PPP4R3B: variants seen among roughly 807,000 people sequenced by gnomAD.
PPP4R3B encodes protein phosphatase 4 regulatory subunit 3B.
In PPP4R3B, 52 loss-of-function variants were observed where a neutral mutation model predicts 95.4. The observed-to-expected ratio is 0.54, with a 90% CI of 0.44 to 0.69. The LOEUF (loss-of-function observed/expected upper bound fraction) is 0.69. Among genes scored for constraint, PPP4R3B ranks in the 30% least tolerant of loss-of-function variants. The pLI, the probability that PPP4R3B is intolerant of heterozygous loss-of-function variation, is 0.00. For missense variants in PPP4R3B, 1,003 were observed against 1,005.9 expected (o/e 1.00, Z 0.04); for synonymous variants, 407 against 343.9 (o/e 1.18, Z -2.03).
intron 16 of PPP4R3B, among the ~76,000 whole-genome samples, chr2:55,554,028 G>T (rs1303215121): frequency 2.0e-5 from 3 of 152,074 alleles, no homozygotes; most frequent in Non-Finnish European, 4.4e-5. Flanking sequence ...CTGACTTTTT[G>T]GGGAACCGCC....
intron 16 of PPP4R3B, among the ~76,000 whole-genome samples, chr2:55,550,482 C>T (rs543939664): frequency 3.0e-4 from 45 of 152,256 alleles, no homozygotes; most frequent in African/African-American, 8.9e-4. Context: ...TGGAGATAAA[C>T]ACATGAAATG....
At chr2:55,559,117 G>A in intron 15 of PPP4R3B, 149 bp from the exon 16 acceptor site, 2 of 592,278 alleles carry the variant, frequency 3.4e-6, no homozygotes, top group Non-Finnish European at 5.7e-6. Flanking sequence ...GGAGGCTGAG[G>A]CAGGCAGATC....
In PPP4R3B at chr2:55,606,810, G is replaced by A. The variant is rs1203246646; in HGVS notation, c.199-2734C>T. The stretch of plus-strand genomic sequence containing the variant: ...GCACTCCAGCCTGGGGGACAAAAGT[G>A]AGACTTTGCCTCAAAAAAAAAAAAA... On this transcript the variant is annotated intron_variant, in intron 2 of 16. Coordinates refer to ENST00000616407, the MANE Select transcript of PPP4R3B (RefSeq NM_001122964.3). 4.5e-5 allele frequency among the ~76,000 whole-genome samples: 6 copies of A among 134,124 alleles called. No individual in the cohort carries two copies. In the East Asian group the frequency reaches 8.9e-4, roughly 20 times the overall value. The allele number at this position is 134,124 out of a possible 152,430, so 88.0% of individuals were successfully genotyped here. A position where few individuals can be genotyped will look rare whatever the true frequency, so the allele number is the denominator to read the frequency against.
intron 7 of PPP4R3B, among the ~76,000 whole-genome samples, chr2:55,584,461 C>T (rs576309200): frequency 3.9e-5 from 6 of 152,270 alleles, no homozygotes; most frequent in African/African-American, 1.4e-4. Context: ...GCAGTATACA[C>T]TGCACCCTAT....
In PPP4R3B at chr2:55,578,334, A is replaced by G; in HGVS notation, c.1477T>C (p.Leu493=). The G allele has an allele frequency of 7.1e-7, 1 of 1,408,044 alleles. No individual in the cohort carries two copies. The highest frequency in any genetic ancestry group is 9.3e-7 in the Non-Finnish European group (1 of 1,077,272). The allele number at this position is 1,408,044 out of a possible 1,614,324, so 87.2% of individuals were successfully genotyped here. A position where few individuals can be genotyped will look rare whatever the true frequency, so the allele number is the denominator to read the frequency against. ...SEDKCEKDFF[L]KHYRYSWSFI... ...CTCCAACTATATCTGTAATGTTTTA[A>G]AAAAAAATCTGAAAAAAAATATGGC... Residue 493 remains leucine (L), a synonymous_variant, in exon 10 of 17, where the codon TTA becomes CTA. Coordinates refer to ENST00000616407, the MANE Select transcript of PPP4R3B (RefSeq NM_001122964.3).
At chr2:55,550,708 G>A (rs915186567) in intron 16 of PPP4R3B, among the ~76,000 whole-genome samples, 1 of 152,040 alleles carries the variant, frequency 6.6e-6, no homozygotes, top group African/African-American at 2.4e-5. Flanking sequence ...AGGTTAAGAG[G>A]GCTACTGTAA....
Position 55,578,281 on chromosome 2 carries a change from A to C in PPP4R3B, c.1530T>G (p.His510Gln). 6.7e-7 allele frequency: 1 copy of C among 1,484,532 alleles called. No homozygotes were observed. The highest frequency in any genetic ancestry group is 9.0e-7 in the Non-Finnish European group (1 of 1,115,086). The allele number at this position is 1,484,532 out of a possible 1,614,324, so 92.0% of individuals were successfully genotyped here. A position where few individuals can be genotyped will look rare whatever the true frequency, so the allele number is the denominator to read the frequency against. The change falls in exon 10 of 17, where the codon CAT becomes CAG. Residue 510 changes from histidine to glutamine, a missense_variant. Physicochemically the swap from His to Gln is conservative, Grantham distance 24. Around this residue, in one of 3 missense-constraint regions of PPP4R3B, gnomAD observed 695 missense variants for 686.2 expected, o/e 1.01. Coordinates refer to ENST00000616407, the MANE Select transcript of PPP4R3B (RefSeq NM_001122964.3). ...WSFICTPSHS[H>Q]SHSTPSSSIS... ...TGGAGGAAGAGGGGGTAGAATGGGAATGGGAATGTGAAGGGGTACATATGA... is the reference window on the plus strand; with the variant it reads ...TGGAGGAAGAGGGGGTAGAATGGGACTGGGAATGTGAAGGGGTACATATGA...
intron 15 of PPP4R3B, among the ~76,000 whole-genome samples, chr2:55,562,196 T>A (rs747901518): frequency 1.3e-4 from 20 of 151,912 alleles, no homozygotes; most frequent in Non-Finnish European, 2.5e-4. Context: ...CCAAAGTGGG[T>A]GAATCATCTG....
intron 13 of PPP4R3B, among the ~76,000 whole-genome samples, chr2:55,567,073 T>C (rs1282269274): frequency 1.3e-5 from 2 of 152,202 alleles, no homozygotes; most frequent in East Asian, 1.9e-4. Context: ...CTCAGTGGAA[T>C]GATTTCGGTG....
intron 4 of PPP4R3B, among the ~76,000 whole-genome samples, chr2:55,590,283 C>T (rs531798455): frequency 5.3e-5 from 8 of 151,830 alleles, no homozygotes; most frequent in Non-Finnish European, 1.2e-4. Context: ...GCCGAGATTG[C>T]GCCATTGCAG....
chr2:55,602,875 T>C (rs1334249649), intron 3 of PPP4R3B, among the ~76,000 whole-genome samples: 1 of 152,160 alleles, frequency 6.6e-6, no homozygotes, highest in Non-Finnish European at 1.5e-5. Context: ...TTATGGAAAT[T>C]GAGAGTGCTC....
At position 55,579,712 on chromosome 2, in the gene PPP4R3B, A is replaced by G; in HGVS notation, c.1435T>C (p.Leu479=). Reference sequence around the variant, plus strand: ...CATTTGTCTTCTGAAGTATTGGTCAAAAGTGGTGCTGTGAGAACATGCATA... The same window carrying G: ...CATTTGTCTTCTGAAGTATTGGTCAGAAGTGGTGCTGTGAGAACATGCATA... ...HCMHVLTAPL[L]TNTSEDKCEK... Residue 479 remains leucine, a synonymous_variant, in exon 9 of 17, where the codon TTG becomes CTG. Coordinates refer to ENST00000616407, the MANE Select transcript of PPP4R3B (RefSeq NM_001122964.3). The G allele has an allele frequency of 6.2e-7, 1 of 1,608,090 alleles. No homozygotes were observed. Among genetic ancestry groups the G allele is most frequent in the Non-Finnish European group, 8.5e-7 (1 of 1,177,232 alleles).
chr2:55,584,218 TA>T (rs766668397), intron 7 of PPP4R3B, among the ~76,000 whole-genome samples: 6 of 151,772 alleles, frequency 4.0e-5, no homozygotes, highest in African/African-American at 1.2e-4. Flanking sequence ...TTTTTAATAA[TA>T]AAAAAAGAGT....
intron 4 of PPP4R3B, among the ~76,000 whole-genome samples, chr2:55,597,795 C>G (rs1692007266): frequency 1.3e-5 from 2 of 152,040 alleles, no homozygotes; most frequent in South Asian, 4.1e-4. Flanking sequence ...GAGCAAAACT[C>G]CATCTCAAAA....
intron 9 of PPP4R3B, among the ~76,000 whole-genome samples, chr2:55,579,332 T>C (rs1689122919): frequency 2.0e-5 from 3 of 152,114 alleles, no homozygotes; most frequent in Non-Finnish European, 4.4e-5. Context: ...ATCGCACAAA[T>C]TTGGCGACAA....
intron 11 of PPP4R3B, 64 bp from the exon 12 acceptor site, chr2:55,573,841 G>C: frequency 6.8e-6 from 6 of 887,942 alleles, no homozygotes; most frequent in South Asian, 2.2e-5. Flanking sequence ...AATAAATAAA[G>C]CTTACATCCT....
At chr2:55,608,637 A>G (rs1178946969) in intron 2 of PPP4R3B, among the ~76,000 whole-genome samples, 1 of 152,176 alleles carries the variant, frequency 6.6e-6, no homozygotes, top group Non-Finnish European at 1.5e-5. Flanking sequence ...GATACTATTA[A>G]GTATTTTGGA....
chr2:55,604,188 A>G (rs1029268421), intron 2 of PPP4R3B, 112 bp from the exon 3 acceptor site: 1 of 647,132 alleles, frequency 1.5e-6, no homozygotes, highest in Non-Finnish European at 2.5e-6. Context: ...ATGCCCCGAT[A>G]TGAGTAATCA....
chr2:55,611,663 T>C (rs1296618222), intron 2 of PPP4R3B, among the ~76,000 whole-genome samples: 1 of 152,214 alleles, frequency 6.6e-6, no homozygotes, highest in Non-Finnish European at 1.5e-5. Context: ...GCACACAATT[T>C]AGTAGTTGGC....
Sources: gnomAD v4.1 joint callset for allele counts (sites outside exome capture counted in the v4.1 genomes callset) on GRCh38, gnomAD v4.1.1 for gene constraint, gnomAD v4.1.1 regional missense constraint, MANE v1.5 for transcripts, NCBI Gene and HGNC (gene_info 2026-07-23, HGNC 2026-07-21) for gene names.